Variants in RIMS1 observed in about 807,000 individuals in gnomAD.
RIMS1 encodes the protein regulating synaptic membrane exocytosis protein 1.
Under a neutral mutation model 214.1 loss-of-function variants are expected in RIMS1, and 83 were observed. The observed-to-expected ratio is 0.39, with a 90% confidence interval of 0.32 to 0.47. The LOEUF is 0.47. RIMS1 is among the 20% of genes least tolerant of loss of function. RIMS1 has a pLI of 0.99. For missense variants in RIMS1, 2,050 were observed against 2,161.8 expected, an observed-to-expected ratio of 0.95 and a Z score of 1.03; for synonymous variants, 793 against 786.8, an observed-to-expected ratio of 1.01 and a Z score of -0.13.
intron 28 of RIMS1, among the ~76,000 whole-genome samples, chr6:72,332,174 C>T (rs1188466182): frequency 6.6e-6 from 1 of 151,592 alleles, no homozygotes; most frequent in East Asian, 2.0e-4. Context: ...GTTAAAGATG[C>T]TATATCAGCT....
chr6:72,355,227 T>A (rs986620321), intron 29 of RIMS1, among the ~76,000 whole-genome samples: 1 of 152,180 alleles, frequency 6.6e-6, no homozygotes, highest in African/African-American at 2.4e-5. Flanking sequence ...TTTTATATTG[T>A]CTCTAAACTT....
At position 72,139,446 on chromosome 6, in the gene RIMS1, C is replaced by T. The variant is rs147353142; in HGVS notation, c.471+39460C>T. On this transcript the variant is annotated intron_variant, in intron 4 of 33. Transcript: ENST00000521978. ...AACTTCTTAAAAAGCACTGCCCACCCACTGCTCCTACTCTGCACTGGCCCT... is the reference window on the plus strand; with the variant it reads ...AACTTCTTAAAAAGCACTGCCCACCTACTGCTCCTACTCTGCACTGGCCCT... Among the ~76,000 whole-genome samples, 812 of 152,274 alleles carry T rather than the reference C, an allele frequency of 5.3e-3. 5 individuals carry two copies. The highest frequency in any genetic ancestry group is 0.018 in the African/African-American group (753 of 41,550).
chr6:72,247,883 A>G (rs967549333), intron 11 of RIMS1, 132 bp from the exon 12 acceptor site: 63 of 634,392 alleles, frequency 9.9e-5, no homozygotes, highest in African/African-American at 5.3e-4. Context: ...AAGACAATCT[A>G]TCCCATTAAA....
At chr6:71,990,048 TA>T (rs1189347676) in intron 2 of RIMS1, among the ~76,000 whole-genome samples, 2 of 152,226 alleles carry the variant, frequency 1.3e-5, no homozygotes, top group Admixed American at 6.5e-5. Context: ...ATTTCTGTAT[TA>T]AAGTAGGCCC....
chr6:71,922,404 C>T (rs1334418085), intron 1 of RIMS1, among the ~76,000 whole-genome samples: 2 of 152,168 alleles, frequency 1.3e-5, no homozygotes, highest in Non-Finnish European at 2.9e-5. Context: ...TAAATGCACT[C>T]ATGCCATATT....
Position 72,183,965 on chromosome 6 carries a change from G to C in RIMS1, c.1678+816G>C, listed in dbSNP as rs540017431. Among the ~76,000 whole-genome samples the C allele has an allele frequency of 4.6e-5, 7 of 152,212 alleles. No homozygotes were observed. The East Asian group carries it at 1.4e-3, about 29-fold the overall frequency. Reference sequence around the variant, plus strand: ...AAGAAATGTAAATATGTAAACATGCGGTATTAAATCATAGCTGCATGAAAT... The same window carrying C: ...AAGAAATGTAAATATGTAAACATGCCGTATTAAATCATAGCTGCATGAAAT... On this transcript the variant is annotated intron_variant, in intron 6 of 33. Coordinates refer to ENST00000521978, the MANE Select transcript of RIMS1 (RefSeq NM_014989.7).
intron 4 of RIMS1, among the ~76,000 whole-genome samples, chr6:72,125,768 C>T (rs947525311): frequency 1.3e-5 from 2 of 152,200 alleles, no homozygotes; most frequent in Non-Finnish European, 2.9e-5. Context: ...GTGAGCAAGA[C>T]TCTGTGGACG....
chr6:72,062,305 A>G (rs1214746879), intron 2 of RIMS1, among the ~76,000 whole-genome samples: 1 of 151,800 alleles, frequency 6.6e-6, no homozygotes, highest in African/African-American at 2.4e-5. Flanking sequence ...TCAATTATCT[A>G]TGTTTATGTG....
At chr6:72,222,402 G>A (rs576102069) in intron 6 of RIMS1, among the ~76,000 whole-genome samples, 1 of 151,904 alleles carries the variant, frequency 6.6e-6, no homozygotes, top group South Asian at 2.1e-4. Context: ...CCATTTTTTT[G>A]TACTGCATTC....
chr6:71,910,791 C>G (rs774469723), intron 1 of RIMS1, among the ~76,000 whole-genome samples: 1 of 152,196 alleles, frequency 6.6e-6, no homozygotes, highest in South Asian at 2.1e-4. Flanking sequence ...GTAAAAGGTG[C>G]CCTCTGATAA....
At chr6:72,390,304 C>G (rs961134204) in intron 29 of RIMS1, among the ~76,000 whole-genome samples, 1 of 152,112 alleles carries the variant, frequency 6.6e-6, no homozygotes, top group African/African-American at 2.4e-5. Flanking sequence ...GTGCCAAATT[C>G]AGATTTTCAT....
At position 71,929,768 on chromosome 6, in the gene RIMS1, A is replaced by C. The variant is rs569668662; in HGVS notation, c.165-39215A>C. ...GGCCGCGAAAGATATGAAAGTTATC[A>C]TGTTTAACATCTAATATTAAAATTA... On this transcript the variant is annotated intron_variant, in intron 1 of 33. Coordinates refer to ENST00000521978, the MANE Select transcript of RIMS1 (RefSeq NM_014989.7). 5.7e-4 allele frequency among the ~76,000 whole-genome samples: 87 copies of C among 152,220 alleles called. 1 individual carries two copies. Among genetic ancestry groups the C allele is most frequent in the African/African-American group, 1.9e-3 (77 of 41,560 alleles).
At chr6:72,348,117 T>C (rs1285085917) in intron 29 of RIMS1, among the ~76,000 whole-genome samples, 1 of 151,930 alleles carries the variant, frequency 6.6e-6, no homozygotes, top group East Asian at 1.9e-4. Context: ...AAGCAAGCTC[T>C]TCTTAGTGGG....
chr6:72,103,588 G>T, intron 4 of RIMS1, among the ~76,000 whole-genome samples: 1 of 152,088 alleles, frequency 6.6e-6, no homozygotes, highest in East Asian at 1.9e-4. Context: ...GGCTATGGTA[G>T]AAAGAGCTTC....
chr6:72,191,537 A>G (rs2050075803), intron 6 of RIMS1, among the ~76,000 whole-genome samples: 1 of 152,256 alleles, frequency 6.6e-6, no homozygotes, highest in Admixed American at 6.5e-5. Flanking sequence ...AAAGCAATCA[A>G]GCTCTCTCAG....
chr6:72,142,963 A>G (rs1256265169), intron 4 of RIMS1, among the ~76,000 whole-genome samples: 1 of 152,168 alleles, frequency 6.6e-6, no homozygotes, highest in African/African-American at 2.4e-5. Context: ...CTTTCTCCAT[A>G]GGACAGTTTT....
chr6:72,320,863 T>G (rs1022653975), intron 28 of RIMS1, among the ~76,000 whole-genome samples: 3 of 152,046 alleles, frequency 2.0e-5, no homozygotes, highest in African/African-American at 7.2e-5. Context: ...ACTCTTGATA[T>G]ATGTTCAATT....
At chr6:72,320,069 G>A (rs747293567) in intron 28 of RIMS1, among the ~76,000 whole-genome samples, 9 of 152,008 alleles carry the variant, frequency 5.9e-5, no homozygotes, top group Admixed American at 2.0e-4. Flanking sequence ...TTTAAAATTC[G>A]AATTTTGATT....
chr6:71,970,313 TG>T (rs1458863979), intron 2 of RIMS1, among the ~76,000 whole-genome samples: 1 of 152,208 alleles, frequency 6.6e-6, no homozygotes, highest in African/African-American at 2.4e-5. Flanking sequence ...CATTTTTGTA[TG>T]ATGGAACTTT....
Sources: allele counts gnomAD v4.1 joint callset (sites outside exome capture counted in the v4.1 genomes callset), GRCh38; gene constraint gnomAD v4.1.1; transcripts MANE v1.5; gene names NCBI Gene and HGNC (gene_info 2026-07-23, HGNC 2026-07-21).